SRGAP3: variants seen among roughly 807,000 people sequenced by gnomAD.
SRGAP3 encodes the protein SLIT-ROBO Rho GTPase activating protein 3, also known as SLIT-ROBO Rho GTPase-activating protein 3.
In SRGAP3, 39 loss-of-function variants were observed where a neutral mutation model predicts 121.1. The ratio of observed to expected loss-of-function variants is 0.32; its 90% CI spans 0.25 to 0.42. SRGAP3 has a LOEUF of 0.42. Ranked by LOEUF, SRGAP3 falls within the 10% of genes least tolerant of loss-of-function variation. The pLI is 1.00. For synonymous variants in SRGAP3, 601 were observed against 570.0 expected, an observed-to-expected ratio of 1.05 and a Z score of -0.77; for missense variants, 1,213 against 1,470.6, an observed-to-expected ratio of 0.82 and a Z score of 2.86.
In SRGAP3 at chr3:9,236,586, C is replaced by T. The variant is rs4485703; in HGVS notation, c.67+12299G>A. 4.5e-3 allele frequency among the ~76,000 whole-genome samples: 689 copies of T among 152,076 alleles called. 7 individuals are homozygous for T. The highest frequency in any genetic ancestry group is 0.016 in the African/African-American group (657 of 41,484). On this transcript the variant is annotated intron_variant, in intron 1 of 21. Transcript: ENST00000383836. Reference sequence around the variant, plus strand: ...TTAAAAGTGTGTGGCACTTCCCCCCCCCTCTTCTTCCTACTCCTGCCATGT... The same window carrying T: ...TTAAAAGTGTGTGGCACTTCCCCCCTCCTCTTCTTCCTACTCCTGCCATGT...
intron 3 of SRGAP3, among the ~76,000 whole-genome samples, chr3:9,286,113 AACACACACACACAC>A (rs34023408): frequency 0.018 from 2,488 of 135,068 alleles, 29 homozygotes; most frequent in South Asian, 0.05. Flanking sequence ...CCCTATCTCA[AACACACACACACAC>A]ACACACACAC....
At chr3:9,344,493 G>A (rs1955848558) in intron 1 of SRGAP3, among the ~76,000 whole-genome samples, 1 of 152,034 alleles carries the variant, frequency 6.6e-6, no homozygotes, top group Admixed American at 6.6e-5. Context: ...TTAGCCAGGT[G>A]TGACGGCAGG....
chr3:9,179,537 C>T (rs1951301883), intron 1 of SRGAP3, among the ~76,000 whole-genome samples: 1 of 152,202 alleles, frequency 6.6e-6, no homozygotes, highest in African/African-American at 2.4e-5. Flanking sequence ...CCAATGGATG[C>T]CTGGTGGCTA....
chr3:9,031,252 C>T (rs1044925848), intron 12 of SRGAP3, among the ~76,000 whole-genome samples: 1 of 152,180 alleles, frequency 6.6e-6, no homozygotes, highest in Admixed American at 6.5e-5. Flanking sequence ...CCCTTCTTGG[C>T]CATGGACCAT....
At chr3:9,135,909 C>G (rs796325970) in intron 1 of SRGAP3, among the ~76,000 whole-genome samples, 1 of 152,348 alleles carries the variant, frequency 6.6e-6, no homozygotes, top group African/African-American at 2.4e-5. Flanking sequence ...TACCTTCCCC[C>G]CTGGGGTTGT....
chr3:9,174,386 T>C (rs1951098874), intron 1 of SRGAP3, among the ~76,000 whole-genome samples: 1 of 151,818 alleles, frequency 6.6e-6, no homozygotes. Context: ...TTTTAAAGGG[T>C]GGAAGTGTTT....
chr3:9,344,786 C>T (rs1955855075), intron 1 of SRGAP3, among the ~76,000 whole-genome samples: 2 of 152,280 alleles, frequency 1.3e-5, no homozygotes, highest in South Asian at 4.1e-4. Context: ...CCTGTAATCC[C>T]AGCACTTTGG....
chr3:8,995,656 G>A (rs1388969833), intron 18 of SRGAP3, among the ~76,000 whole-genome samples: 1 of 152,156 alleles, frequency 6.6e-6, no homozygotes, highest in African/African-American at 2.4e-5. Flanking sequence ...AAACTGCATG[G>A]TTTAAGGACC....
chr3:9,359,483 G>A (rs566019671), intron 1 of SRGAP3, among the ~76,000 whole-genome samples: 1 of 152,278 alleles, frequency 6.6e-6, no homozygotes, highest in African/African-American at 2.4e-5. Context: ...GCTCATGATT[G>A]AGGCATGGAC....
intron 3 of SRGAP3, among the ~76,000 whole-genome samples, chr3:9,317,759 A>G (rs1214213987): frequency 2.6e-5 from 4 of 152,236 alleles, no homozygotes; most frequent in African/African-American, 9.6e-5. Flanking sequence ...TGCATTTCTA[A>G]CAAGTGCCCT....
At chr3:9,017,241 AT>A (rs1322062174) in intron 14 of SRGAP3, among the ~76,000 whole-genome samples, 2 of 152,124 alleles carry the variant, frequency 1.3e-5, no homozygotes, top group African/African-American at 4.8e-5. Flanking sequence ...ATTTTTTTTC[AT>A]GAGTTCATAC....
At chr3:9,251,635 C>A (rs1574942701), upstream of SRGAP3, among the ~76,000 whole-genome samples, 1 of 152,312 alleles carries the variant, frequency 6.6e-6, no homozygotes, top group South Asian at 2.1e-4. Flanking sequence ...TAAATGTCAG[C>A]TATTTTCACC....
At chr3:9,232,158 CA>C (rs1188256529) in intron 1 of SRGAP3, among the ~76,000 whole-genome samples, 3 of 152,170 alleles carry the variant, frequency 2.0e-5, no homozygotes, top group African/African-American at 7.2e-5. Context: ...ACATAATGAG[CA>C]CCACAGTAAG....
intron 4 of SRGAP3, among the ~76,000 whole-genome samples, chr3:9,073,693 G>T (rs908114783): frequency 1.3e-5 from 2 of 152,220 alleles, no homozygotes; most frequent in African/African-American, 2.4e-5. Context: ...ATTTAGACCA[G>T]CCCCTGGCCT....
chr3:8,996,668 C>T (rs73138106), intron 18 of SRGAP3, among the ~76,000 whole-genome samples: 3,188 of 152,310 alleles, frequency 0.021, 104 homozygotes, highest in African/African-American at 0.071. Context: ...ATCTTGGTCC[C>T]TCTCTCTGCA....
chr3:9,080,495 A>G (rs1947188127), intron 3 of SRGAP3, among the ~76,000 whole-genome samples: 1 of 152,210 alleles, frequency 6.6e-6, no homozygotes. Context: ...TCCATAGAAC[A>G]CACTTTGAGA....
At chr3:9,360,930 C>T (rs2030765506) in intron 1 of SRGAP3, among the ~76,000 whole-genome samples, 1 of 152,176 alleles carries the variant, frequency 6.6e-6, no homozygotes, top group Non-Finnish European at 1.5e-5. Context: ...CCCACATACT[C>T]ATTAGAACTT....
chr3:9,023,998 A>T (rs575384277), intron 14 of SRGAP3, among the ~76,000 whole-genome samples: 46 of 152,292 alleles, frequency 3.0e-4, no homozygotes, highest in African/African-American at 1.1e-3. Context: ...GATGGAATGG[A>T]GATGACCGAG....
intron 1 of SRGAP3, among the ~76,000 whole-genome samples, chr3:9,144,562 C>G (rs1949962087): frequency 6.6e-6 from 1 of 152,228 alleles, no homozygotes; most frequent in Non-Finnish European, 1.5e-5. Context: ...GGGGGCCTAT[C>G]TTTCCCATGC....
Sources: allele counts gnomAD v4.1 joint callset (sites outside exome capture counted in the v4.1 genomes callset), GRCh38; gene constraint gnomAD v4.1.1; transcripts MANE v1.5; gene names NCBI Gene and HGNC (gene_info 2026-07-23, HGNC 2026-07-21).